EXT1: variants seen among roughly 807,000 people sequenced by gnomAD.
EXT1 encodes exostosin glycosyltransferase 1, also known as exostosin-1.
Under a neutral mutation model 82.5 loss-of-function variants are expected in EXT1, and 20 were observed. The observed-to-expected ratio is 0.24, with a 90% confidence interval of 0.17 to 0.35. The LOEUF is 0.35. Ranked by LOEUF, EXT1 falls within the 10% of genes least tolerant of loss-of-function variation. The pLI is 1.00. For missense variants in EXT1, 757 were observed against 936.5 expected (o/e 0.81, Z 2.50); for synonymous variants, 348 against 350.8 (o/e 0.99, Z 0.09).
At chr8:117,841,113 C>T (rs1563576763) in intron 1 of EXT1, among the ~76,000 whole-genome samples, 1 of 152,200 alleles carries the variant, frequency 6.6e-6, no homozygotes, top group African/African-American at 2.4e-5. Flanking sequence ...AGAAACTTGT[C>T]CACAAATGTT....
At chr8:118,008,115 T>G (rs1397788674) in intron 1 of EXT1, among the ~76,000 whole-genome samples, 1 of 152,176 alleles carries the variant, frequency 6.6e-6, no homozygotes, top group African/African-American at 2.4e-5. Context: ...TTCCCCTCCC[T>G]GTGTCCATGT....
At chr8:118,016,913 GAT>G (rs1230422149) in intron 1 of EXT1, among the ~76,000 whole-genome samples, 2 of 152,152 alleles carry the variant, frequency 1.3e-5, no homozygotes, top group Admixed American at 6.5e-5. Flanking sequence ...TCGATTTCTT[GAT>G]CTTGGTGCTG....
intron 1 of EXT1, among the ~76,000 whole-genome samples, chr8:117,998,202 C>T (rs540298010): frequency 1.0e-3 from 158 of 151,946 alleles, no homozygotes; most frequent in African/African-American, 3.5e-3. Context: ...TTAATAGAGA[C>T]GGGATTTCAC....
chr8:118,007,322 A>T (rs1219372545), intron 1 of EXT1, among the ~76,000 whole-genome samples: 3 of 152,104 alleles, frequency 2.0e-5, no homozygotes, highest in Non-Finnish European at 4.4e-5. Flanking sequence ...AAAGCATTTG[A>T]TGGCCCTAGA....
In EXT1 at chr8:117,795,862, T is replaced by A. The variant is rs147615651; in HGVS notation, c.*3850A>T. 6.6e-6 allele frequency: 1 copy of A among 152,160 alleles called. No individual in the cohort carries two copies. Among genetic ancestry groups the A allele is most frequent in the Non-Finnish European group, 1.5e-5 (1 of 68,020 alleles). 9.4% of individuals were successfully genotyped at this position (152,160 alleles called of 1,614,324 possible). A position where few individuals can be genotyped will look rare whatever the true frequency, so the allele number is the denominator to read the frequency against. Reference sequence around the variant, plus strand: ...TAATCTCTTTATGCTGAAGTTCTTATACCAAGTGAGACAAGTTTAGCACAG... The same window carrying A: ...TAATCTCTTTATGCTGAAGTTCTTAAACCAAGTGAGACAAGTTTAGCACAG... On this transcript the variant is annotated 3_prime_UTR_variant, in exon 11 of 11. Transcript: ENST00000378204.
chr8:117,832,382 G>C (rs1812115720), intron 3 of EXT1, among the ~76,000 whole-genome samples: 1 of 152,028 alleles, frequency 6.6e-6, no homozygotes. Context: ...AAATTAGCTG[G>C]GCATGGTGGT....
At position 118,110,558 on chromosome 8, in the gene EXT1, T is replaced by C; in HGVS notation, c.489A>G (p.Arg163=). ...LFVLSLDTLD[R]DQLSPQYVHN... The stretch of plus-strand genomic sequence containing the variant: ...GCACATACTGAGGTGACAACTGGTC[T>C]CTGTCTAAAGTATCCAGACTCAGGA... Residue 163 remains arginine, a synonymous_variant, in exon 1 of 11, where the codon AGA becomes AGG. Transcript: ENST00000378204. 6.2e-7 allele frequency: 1 copy of C among 1,614,218 alleles called. No individual in the cohort carries two copies. Among genetic ancestry groups the C allele is most frequent in the Non-Finnish European group, 8.5e-7 (1 of 1,180,040 alleles).
At chr8:117,969,658 T>A (rs996401187) in intron 1 of EXT1, among the ~76,000 whole-genome samples, 1 of 152,190 alleles carries the variant, frequency 6.6e-6, no homozygotes, top group African/African-American at 2.4e-5. Context: ...TTGTGACAGA[T>A]CTGAGCTATG....
chr8:117,911,153 C>T (rs1406031118), intron 1 of EXT1, among the ~76,000 whole-genome samples: 1 of 152,188 alleles, frequency 6.6e-6, no homozygotes, highest in Non-Finnish European at 1.5e-5. Context: ...AGCCCAGTGC[C>T]TGGCACACGG....
intron 1 of EXT1, among the ~76,000 whole-genome samples, chr8:117,999,845 A>G (rs1475814840): frequency 6.6e-6 from 1 of 152,076 alleles, no homozygotes; most frequent in Non-Finnish European, 1.5e-5. Flanking sequence ...AAATCATTTT[A>G]TTTTTCATAG....
intron 1 of EXT1, among the ~76,000 whole-genome samples, chr8:118,005,809 C>T (rs764750502): frequency 6.6e-6 from 1 of 152,202 alleles, no homozygotes; most frequent in Non-Finnish European, 1.5e-5. Flanking sequence ...AAATAACACA[C>T]CCTATGTATG....
intron 1 of EXT1, among the ~76,000 whole-genome samples, chr8:118,018,235 G>T (rs1365937694): frequency 6.6e-6 from 1 of 152,142 alleles, no homozygotes; most frequent in Non-Finnish European, 1.5e-5. Context: ...TTAGAATGAG[G>T]TCATACCAGA....
chr8:117,807,377 C>T lies in EXT1; in HGVS notation c.1723G>A (p.Val575Met). ...TGCCACACTGTGAAGGCGAAATCCACCTGCAGGCAGAACACAAGCCAAACA... is the reference window on the plus strand; with the variant it reads ...TGCCACACTGTGAAGGCGAAATCCATCTGCAGGCAGAACACAAGCCAAACA... The part of the protein sequence containing the change: ...DEDTVLSTTE[V>M]DFAFTVWQSF... Residue 575 changes from valine to methionine, a missense_variant and splice_region_variant, in exon 9 of 11, where the codon GTG (valine) becomes ATG (methionine). Coordinates refer to ENST00000378204, the MANE Select transcript of EXT1 (RefSeq NM_000127.3). 6.2e-7 allele frequency: 1 copy of T among 1,614,174 alleles called. No individual in the cohort carries two copies. The highest frequency in any genetic ancestry group is 8.5e-7 in the Non-Finnish European group (1 of 1,180,024).
chr8:117,815,312 A>G (rs900441570), intron 7 of EXT1, among the ~76,000 whole-genome samples: 1 of 152,234 alleles, frequency 6.6e-6, no homozygotes, highest in Non-Finnish European at 1.5e-5. Flanking sequence ...TCATGGAGAT[A>G]GAGATTTTAA....
chr8:117,806,427 G>A (rs529220222), intron 9 of EXT1, among the ~76,000 whole-genome samples: 2 of 152,246 alleles, frequency 1.3e-5, no homozygotes, highest in South Asian at 4.2e-4. Context: ...GTCACACCCT[G>A]TTCAAACCCT....
At chr8:117,833,590 G>C in intron 3 of EXT1, among the ~76,000 whole-genome samples, 1 of 151,418 alleles carries the variant, frequency 6.6e-6, no homozygotes, top group East Asian at 1.9e-4. Context: ...ACTCCAGCTT[G>C]AGTGACAGAG....
intron 1 of EXT1, among the ~76,000 whole-genome samples, chr8:117,953,244 A>G (rs1463271986): frequency 1.3e-5 from 2 of 152,162 alleles, no homozygotes; most frequent in Non-Finnish European, 2.9e-5. Context: ...ATATACATAT[A>G]TCTGCTATAA....
At chr8:117,822,771 T>G (rs1420985897) in intron 4 of EXT1, among the ~76,000 whole-genome samples, 174 bp from the exon 5 acceptor site, 1 of 152,096 alleles carries the variant, frequency 6.6e-6, no homozygotes, top group African/African-American at 2.4e-5. Flanking sequence ...AATGGAGCAA[T>G]GAAAAAGAGT....
At chr8:117,927,690 C>A (rs930565076) in intron 1 of EXT1, among the ~76,000 whole-genome samples, 10 of 152,220 alleles carry the variant, frequency 6.6e-5, no homozygotes, top group Non-Finnish European at 1.5e-4. Flanking sequence ...AAAGATACTT[C>A]TGCCTTTAAT....
Sources: gnomAD v4.1 joint callset for allele counts (sites outside exome capture counted in the v4.1 genomes callset) on GRCh38, gnomAD v4.1.1 for gene constraint, MANE v1.5 for transcripts, NCBI Gene and HGNC (gene_info 2026-07-23, HGNC 2026-07-21) for gene names.